COX10: variants seen among roughly 807,000 people sequenced by gnomAD.
The protein encoded by COX10 is protoheme IX farnesyltransferase, mitochondrial.
COX10 carries 27 observed loss-of-function variants against 37.3 expected under a neutral mutation model. The observed-to-expected ratio is 0.72, with a 90% CI of 0.53 to 1.00. The LOEUF is 1.00. Ranked by LOEUF, COX10 falls within the 50% of genes least tolerant of loss-of-function variation. The pLI, the probability that COX10 is intolerant of heterozygous loss-of-function variation, is 0.00. For missense variants in COX10, 475 were observed against 563.2 expected, an observed-to-expected ratio of 0.84 and a Z score of 1.59; for synonymous variants, 222 against 229.1, an observed-to-expected ratio of 0.97 and a Z score of 0.28.
intron 4 of COX10, among the ~76,000 whole-genome samples, chr17:14,146,003 A>G (rs1274511110): frequency 2.0e-5 from 3 of 152,180 alleles, no homozygotes; most frequent in Admixed American, 6.6e-5. Context: ...TAGTTTACCT[A>G]AAGAGGGTCT....
chr17:14,089,734 A>G (rs1374067720), intron 3 of COX10, among the ~76,000 whole-genome samples: 1 of 152,140 alleles, frequency 6.6e-6, no homozygotes, highest in Non-Finnish European at 1.5e-5. Flanking sequence ...CAAACTTCAT[A>G]TGCCTTCTGA....
At chr17:14,178,769 C>T (rs1445152497) in intron 5 of COX10, among the ~76,000 whole-genome samples, 1 of 152,100 alleles carries the variant, frequency 6.6e-6, no homozygotes, top group African/African-American at 2.4e-5. Context: ...CAGCCTTAGC[C>T]CCTAGGTCCT....
intron 3 of COX10, among the ~76,000 whole-genome samples, chr17:14,098,724 T>G (rs142996846): frequency 3.2e-4 from 49 of 152,306 alleles, no homozygotes; most frequent in African/African-American, 9.1e-4. Context: ...GACTACTGTT[T>G]TCAGAGTCAG....
chr17:14,145,416 C>T (rs1195920939), intron 4 of COX10, among the ~76,000 whole-genome samples: 4 of 152,206 alleles, frequency 2.6e-5, no homozygotes, highest in Admixed American at 2.0e-4. Flanking sequence ...AACTAATAAG[C>T]CCTGTGTAGT....
At chr17:14,176,914 T>TG (rs1417289991) in intron 5 of COX10, among the ~76,000 whole-genome samples, 12 of 152,182 alleles carry the variant, frequency 7.9e-5, no homozygotes, top group African/African-American at 2.9e-4. Flanking sequence ...TTTGAAATAG[T>TG]TACAGTAAAA....
intron 6 of COX10, among the ~76,000 whole-genome samples, chr17:14,206,242 C>T (rs898989105): frequency 6.6e-6 from 1 of 152,096 alleles, no homozygotes; most frequent in Non-Finnish European, 1.5e-5. Context: ...GAAAGGGAGC[C>T]AGGGCTCACA....
At chr17:14,085,183 G>T (rs1180997220) in intron 3 of COX10, among the ~76,000 whole-genome samples, 1 of 152,046 alleles carries the variant, frequency 6.6e-6, no homozygotes, top group Non-Finnish European at 1.5e-5. Flanking sequence ...TTATTGTGAT[G>T]ATTATAAGCA....
chr17:14,196,262 T>G (rs1906364004), intron 6 of COX10, among the ~76,000 whole-genome samples: 1 of 152,128 alleles, frequency 6.6e-6, no homozygotes, highest in African/African-American at 2.4e-5. Context: ...GGAAATCACG[T>G]CTCAGGGTCT....
At chr17:14,160,241 GA>G (rs1905145790) in intron 5 of COX10, among the ~76,000 whole-genome samples, 1 of 152,028 alleles carries the variant, frequency 6.6e-6, no homozygotes, top group South Asian at 2.1e-4. Flanking sequence ...AGTGGCTGAA[GA>G]TAAAAACATT....
intron 3 of COX10, among the ~76,000 whole-genome samples, chr17:14,087,728 C>T (rs993430931): frequency 4.6e-5 from 7 of 151,414 alleles, no homozygotes; most frequent in African/African-American, 1.5e-4. Context: ...ACCGCAGGGC[C>T]AATGTCCTGT....
intron 5 of COX10, among the ~76,000 whole-genome samples, chr17:14,173,030 A>G (rs1905531964): frequency 6.6e-6 from 1 of 152,068 alleles, no homozygotes; most frequent in African/African-American, 2.4e-5. Flanking sequence ...CCACATTTCA[A>G]TGGCATTATT....
chr17:14,146,671 G>C, intron 4 of COX10, among the ~76,000 whole-genome samples: 1 of 152,040 alleles, frequency 6.6e-6, no homozygotes, highest in East Asian at 1.9e-4. Context: ...CTTCTTCACA[G>C]GAAAGGAAAT....
At chr17:14,146,648 T>C (rs963861567) in intron 4 of COX10, among the ~76,000 whole-genome samples, 1 of 151,944 alleles carries the variant, frequency 6.6e-6, no homozygotes, top group Non-Finnish European at 1.5e-5. Flanking sequence ...TGGGATCACA[T>C]CAAGTTAAAA....
intron 5 of COX10, among the ~76,000 whole-genome samples, chr17:14,173,388 A>G (rs560116441): frequency 1.3e-3 from 202 of 152,374 alleles, no homozygotes; most frequent in Admixed American, 2.4e-3. Flanking sequence ...GAATGAGCGA[A>G]GAGACAAAAT....
chr17:14,206,675 C>T (rs928053009), intron 6 of COX10, 135 bp from the exon 7 acceptor site: 1 of 1,106,506 alleles, frequency 9.0e-7, no homozygotes, highest in Non-Finnish European at 1.4e-6. Context: ...GTGATGTAGG[C>T]AGGCAGCGAT....
intron 4 of COX10, among the ~76,000 whole-genome samples, chr17:14,126,332 T>G (rs990516799): frequency 1.1e-4 from 16 of 152,330 alleles, no homozygotes; most frequent in African/African-American, 3.8e-4. Flanking sequence ...TATAAACTCT[T>G]GAATTACTGC....
chr17:14,130,964 G>T (rs1201511937), intron 4 of COX10, among the ~76,000 whole-genome samples: 2 of 152,134 alleles, frequency 1.3e-5, no homozygotes, highest in Non-Finnish European at 2.9e-5. Context: ...GTCTTTGGTT[G>T]TGCCTTCACT....
intron 5 of COX10, among the ~76,000 whole-genome samples, chr17:14,173,780 CATT>C (rs111291340): frequency 0.019 from 2,929 of 152,292 alleles, 28 homozygotes; most frequent in Middle Eastern, 0.048. Context: ...TTCACAATGT[CATT>C]GTTTACATGG....
intron 6 of COX10, among the ~76,000 whole-genome samples, chr17:14,206,415 G>C (rs1597551725): frequency 2.0e-5 from 3 of 152,300 alleles, no homozygotes; most frequent in Non-Finnish European, 2.9e-5. Context: ...TTCCCTACAA[G>C]TGTTTGCCCG....
Sources: gnomAD v4.1 joint callset for allele counts (sites outside exome capture counted in the v4.1 genomes callset) on GRCh38, gnomAD v4.1.1 for gene constraint, MANE v1.5 for transcripts, NCBI Gene and HGNC (gene_info 2026-07-23, HGNC 2026-07-21) for gene names.